Variants in DMGDH observed in about 807,000 individuals in gnomAD.
The protein encoded by DMGDH is dimethylglycine dehydrogenase, also known as dimethylglycine dehydrogenase, mitochondrial.
DMGDH carries 76 observed loss-of-function variants against 95.2 expected under a neutral mutation model. The ratio of observed to expected loss-of-function variants is 0.80; its 90% CI spans 0.66 to 0.97. The LOEUF (loss-of-function observed/expected upper bound fraction) is 0.97, where lower values mean the gene tolerates loss of function less well. Among genes scored for constraint, DMGDH ranks in the 50% least tolerant of loss-of-function variants. DMGDH has a pLI of 0.00. For missense variants in DMGDH, 987 were observed against 1,055.0 expected (o/e 0.94, Z 0.89); for synonymous variants, 345 against 377.6 (o/e 0.91, Z 1.00).
Position 79,030,163 on chromosome 5 carries a change from G to A in DMGDH, c.1684-129C>T, listed in dbSNP as rs114971596. 2.1e-3 allele frequency: 1,658 copies of A among 779,018 alleles called. 16 individuals carry two copies. The African/African-American group carries it at 0.023, about 11-fold the overall frequency. The allele number at this position is 779,018 out of a possible 1,614,324, so 48.3% of individuals were successfully genotyped here. A position where few individuals can be genotyped will look rare whatever the true frequency, so the allele number is the denominator to read the frequency against. On this transcript the variant is annotated intron_variant, in intron 10 of 15. Transcript: ENST00000255189. ...CTGAATCTTACTGTTTGTGTCAATC[G>A]TATGAATTATCTGTAAACCTAAACC...
chr5:79,043,538 T>C (rs1173055788), intron 6 of DMGDH, among the ~76,000 whole-genome samples: 1 of 152,236 alleles, frequency 6.6e-6, no homozygotes, highest in Non-Finnish European at 1.5e-5. Context: ...GAGGGATTCA[T>C]TTCCTATCTC....
intron 7 of DMGDH, among the ~76,000 whole-genome samples, chr5:79,038,900 T>C (rs920223400): frequency 4.6e-5 from 7 of 151,984 alleles, no homozygotes; most frequent in African/African-American, 1.2e-4. Flanking sequence ...GGGCGAAGGA[T>C]GTGAACAGAC....
chr5:79,048,334 G>A (rs73769924), intron 5 of DMGDH, among the ~76,000 whole-genome samples: 3,691 of 152,210 alleles, frequency 0.024, 149 homozygotes, highest in African/African-American at 0.085. Context: ...CACTGCCATG[G>A]ACAATGCCGA....
chr5:79,031,486 C>G (rs1380180231), intron 9 of DMGDH, among the ~76,000 whole-genome samples: 1 of 152,252 alleles, frequency 6.6e-6, no homozygotes, highest in Non-Finnish European at 1.5e-5. Flanking sequence ...CATTCTGAAG[C>G]AGCAGGTATG....
At chr5:79,024,186 G>C in intron 14 of DMGDH, 85 bp downstream of exon 14, 1 of 1,242,226 alleles carries the variant, frequency 8.1e-7, no homozygotes, top group Non-Finnish European at 1.2e-6. Context: ...TCCATACTTG[G>C]TTAAATTTTA....
At position 78,998,153 on chromosome 5, in the gene DMGDH, G is replaced by A. The variant is rs373536406; in HGVS notation, c.2530C>T (p.Gln844Ter). ...LGKNYPAVII[Q>*]EPLVLTEPTR... is the part of the protein sequence containing the mutation. ...GGTTCGGTCAATACCAAAGGTTCTT[G>A]TATGATGACTGCTGGGTAATTTTTG... Residue 844 changes from glutamine to a stop codon, truncating the protein, a stop_gained, in exon 16 of 16, where the codon CAA becomes TAA. Transcript: ENST00000255189. LOFTEE classifies it high-confidence loss of function. The A allele has an allele frequency of 1.9e-6, 3 of 1,614,078 alleles. No individual in the cohort carries two copies. The highest frequency in any genetic ancestry group is 2.5e-6 in the Non-Finnish European group (3 of 1,180,048).
chr5:79,042,227 A>T, intron 7 of DMGDH, 56 bp downstream of exon 7: 7 of 1,523,074 alleles, frequency 4.6e-6, no homozygotes, highest in Non-Finnish European at 6.4e-6. Flanking sequence ...ATGGAACTAG[A>T]TTTAGCTAAA....
intron 1 of DMGDH, 47 bp from the exon 2 acceptor site, chr5:79,063,834 C>T (rs1180253280): frequency 6.2e-7 from 1 of 1,600,296 alleles, no homozygotes; most frequent in East Asian, 2.2e-5. Flanking sequence ...GCAATGGTAG[C>T]TATAGTTCTG....
intron 14 of DMGDH, among the ~76,000 whole-genome samples, chr5:79,006,108 T>C (rs953730132): frequency 6.7e-6 from 1 of 150,132 alleles, no homozygotes. Context: ...TTCCTATTCC[T>C]AATACACTCC....
intron 2 of DMGDH, among the ~76,000 whole-genome samples, chr5:79,059,851 G>A (rs575138610): frequency 1.3e-5 from 2 of 152,242 alleles, no homozygotes; most frequent in South Asian, 4.2e-4. Context: ...CAACTTTTTA[G>A]CTACTGCTAG....
chr5:79,036,416 T>G (rs1393881293), intron 7 of DMGDH, among the ~76,000 whole-genome samples: 1 of 152,250 alleles, frequency 6.6e-6, no homozygotes, highest in Non-Finnish European at 1.5e-5. Context: ...AATGACTGGA[T>G]GTTACATCTT....
intron 1 of DMGDH, among the ~76,000 whole-genome samples, chr5:79,065,298 A>C (rs1580236213): frequency 1.5e-5 from 2 of 137,838 alleles, no homozygotes; most frequent in African/African-American, 5.5e-5. Context: ...TGCAAATTCC[A>C]CCCCCAAGGT....
At chr5:79,029,121 C>A (rs757960050) in intron 11 of DMGDH, among the ~76,000 whole-genome samples, 4 of 152,176 alleles carry the variant, frequency 2.6e-5, no homozygotes, top group Non-Finnish European at 4.4e-5. Context: ...GTTTCAATTT[C>A]TATGGCTTGA....
chr5:79,047,229 A>G (rs1754704248), intron 5 of DMGDH, among the ~76,000 whole-genome samples: 1 of 152,202 alleles, frequency 6.6e-6, no homozygotes, highest in Admixed American at 6.5e-5. Context: ...TAAAGAGAAG[A>G]GTCAATTAAA....
chr5:79,044,220 T>C (rs2069103414), intron 6 of DMGDH, 84 bp downstream of exon 6: 3 of 1,593,386 alleles, frequency 1.9e-6, no homozygotes, highest in African/African-American at 2.7e-5. Context: ...TATGTTGTTG[T>C]CTTATTCTAC....
chr5:79,022,196 A>C (rs1330266137), intron 14 of DMGDH, among the ~76,000 whole-genome samples: 1 of 152,126 alleles, frequency 6.6e-6, no homozygotes, highest in African/African-American at 2.4e-5. Context: ...TCTCTGTATT[A>C]GCTGTTGCTT....
chr5:79,002,959 GC>G (rs1212947401), intron 15 of DMGDH, among the ~76,000 whole-genome samples: 1 of 152,248 alleles, frequency 6.6e-6, no homozygotes, highest in Non-Finnish European at 1.5e-5. Flanking sequence ...GCATGTAAAT[GC>G]AGTATATGCA....
chr5:79,046,649 A>C (rs1440237542), intron 5 of DMGDH, among the ~76,000 whole-genome samples: 1 of 152,140 alleles, frequency 6.6e-6, no homozygotes, highest in Non-Finnish European at 1.5e-5. Context: ...AGCCTCCCCA[A>C]GTACAGGCGT....
At chr5:79,016,336 GA>G in intron 14 of DMGDH, among the ~76,000 whole-genome samples, 1 of 152,102 alleles carries the variant, frequency 6.6e-6, no homozygotes, top group East Asian at 1.9e-4. Context: ...TTGTCCATGT[GA>G]CAATCTGATG....
Sources: gnomAD v4.1 joint callset for allele counts (sites outside exome capture counted in the v4.1 genomes callset) on GRCh38, gnomAD v4.1.1 for gene constraint, MANE v1.5 for transcripts, NCBI Gene and HGNC (gene_info 2026-07-23, HGNC 2026-07-21) for gene names.